Variants in ASIC2 observed in about 807,000 individuals in gnomAD.
The protein encoded by ASIC2 is acid-sensing ion channel 2.
Under a neutral mutation model 57.3 loss-of-function variants are expected in ASIC2, and 25 were observed. That is an observed-to-expected ratio of 0.44 (90% CI 0.32 to 0.61). The LOEUF (loss-of-function observed/expected upper bound fraction) is 0.61, where lower values mean the gene tolerates loss of function less well. Ranked by LOEUF, ASIC2 falls within the 20% of genes least tolerant of loss-of-function variation. The pLI, the probability that ASIC2 is intolerant of heterozygous loss-of-function variation, is 0.06. For missense variants in ASIC2, 641 were observed against 738.1 expected (o/e 0.87, Z 1.52); for synonymous variants, 319 against 307.5 (o/e 1.04, Z -0.39).
Position 33,679,059 on chromosome 17 carries a change from T to A in ASIC2, c.555+476919A>T, listed in dbSNP as rs1907918601. On this transcript the variant is annotated intron_variant, in intron 1 of 9. Coordinates refer to the ASIC2 transcript ENST00000359872. ...GTGTGTTCATGTTTCAACAAGAATG[T>A]AAGTTTGGGATCAGACATATGTTAC... 7.2e-5 allele frequency among the ~76,000 whole-genome samples: 11 copies of A among 152,350 alleles called. 1 individual carries two copies. The South Asian group carries it at 2.3e-3, about 32-fold the overall frequency.
chr17:33,578,733 C>A (rs1296535869), intron 1 of ASIC2, among the ~76,000 whole-genome samples: 4 of 152,166 alleles, frequency 2.6e-5, no homozygotes, highest in Non-Finnish European at 4.4e-5. Flanking sequence ...ACAGAGGGGG[C>A]ACTAATGGCT....
At chr17:33,659,386 G>T (rs183938927) in intron 1 of ASIC2, among the ~76,000 whole-genome samples, 1 of 152,288 alleles carries the variant, frequency 6.6e-6, no homozygotes, top group Non-Finnish European at 1.5e-5. Context: ...ATCAGAGAGT[G>T]TGCTTACAAA....
chr17:33,849,178 G>T (rs1913694979), intron 1 of ASIC2, among the ~76,000 whole-genome samples: 1 of 152,170 alleles, frequency 6.6e-6, no homozygotes, highest in Non-Finnish European at 1.5e-5. Flanking sequence ...GCTCACTCTA[G>T]GTGAGATCCT....
At chr17:33,530,678 C>G (rs752340342) in intron 1 of ASIC2, among the ~76,000 whole-genome samples, 1 of 152,158 alleles carries the variant, frequency 6.6e-6, no homozygotes, top group East Asian at 1.9e-4. Flanking sequence ...GTGGTTGGAA[C>G]CTAAAATACT....
Position 34,039,993 on chromosome 17 carries a change from C to T in ASIC2, c.555+115985G>A, listed in dbSNP as rs1416524518. The T allele has an allele frequency of 4.0e-6, 3 of 744,998 alleles. No homozygotes were observed. In the East Asian group the frequency reaches 9.7e-5, roughly 24 times the overall value. 46.1% of individuals were successfully genotyped at this position (744,998 alleles called of 1,614,324 possible). On this transcript the variant is annotated intron_variant, in intron 1 of 9. Coordinates refer to the ASIC2 transcript ENST00000359872. ...GGCCCGGGGCGGAGCCGGGGCCTCT[C>T]CTGAGCGCCGCAACCCCCCGCCCGG...
chr17:33,134,708 G>C (rs1489322470), intron 1 of ASIC2, among the ~76,000 whole-genome samples: 1 of 152,218 alleles, frequency 6.6e-6, no homozygotes, highest in Non-Finnish European at 1.5e-5. Context: ...CCTCAACCTG[G>C]GTTGTCCCCG....
intron 1 of ASIC2, among the ~76,000 whole-genome samples, chr17:33,737,489 T>C (rs1909953088): frequency 6.6e-6 from 1 of 152,370 alleles, no homozygotes; most frequent in East Asian, 1.9e-4. Flanking sequence ...TTAGAAATAT[T>C]TTTAATCTGG....
At chr17:33,386,960 C>CTG (rs972444705) in intron 1 of ASIC2, among the ~76,000 whole-genome samples, 38 of 150,460 alleles carry the variant, frequency 2.5e-4, no homozygotes, top group South Asian at 2.1e-4. Flanking sequence ...GTGTGTGTGT[C>CTG]TGTGTGTGTG....
At chr17:33,740,238 A>G (rs1036707762) in intron 1 of ASIC2, among the ~76,000 whole-genome samples, 24 of 152,372 alleles carry the variant, frequency 1.6e-4, no homozygotes, top group Admixed American at 1.5e-3. Context: ...GTTTGGGTAC[A>G]GCAAGGGCTA....
rs532243924 is a variant in ASIC2 at position 33,784,875 on chromosome 17, T to C, written c.555+371103A>G. 1.0e-3 allele frequency among the ~76,000 whole-genome samples: 158 copies of C among 152,276 alleles called. 3 individuals carry two copies. In the Middle Eastern group the frequency reaches 0.014, roughly 13 times the overall value. ...TGTGCAGGACCTTATGACATGCCTTTTGGGGAACAATTTTACCCGTACTTT... is the reference window on the plus strand; with the variant it reads ...TGTGCAGGACCTTATGACATGCCTTCTGGGGAACAATTTTACCCGTACTTT... On this transcript the variant is annotated intron_variant, in intron 1 of 9. Coordinates refer to the ASIC2 transcript ENST00000359872.
chr17:34,038,423 TTC>T, intron 1 of ASIC2: 1 of 1,612,196 alleles, frequency 6.2e-7, no homozygotes, highest in Non-Finnish European at 8.5e-7. Context: ...CTTGTGGTAA[TTC>T]TCCTTTTTCT....
At chr17:34,100,259 T>C (rs966801524) in intron 1 of ASIC2, among the ~76,000 whole-genome samples, 1 of 151,456 alleles carries the variant, frequency 6.6e-6, no homozygotes, top group African/African-American at 2.4e-5. Flanking sequence ...GCAAGAGAAG[T>C]GTTATAATAA....
intron 1 of ASIC2, among the ~76,000 whole-genome samples, chr17:33,265,321 G>A (rs999962567): frequency 2.3e-4 from 35 of 151,922 alleles, no homozygotes; most frequent in African/African-American, 7.5e-4. Context: ...GGAATACTAT[G>A]TAGCCATAAA....
intron 1 of ASIC2, among the ~76,000 whole-genome samples, chr17:33,625,973 G>A (rs1428828808): frequency 1.3e-5 from 2 of 152,220 alleles, no homozygotes; most frequent in Non-Finnish European, 2.9e-5. Flanking sequence ...TCCAGGGCAG[G>A]CATATACAGG....
intron 1 of ASIC2, among the ~76,000 whole-genome samples, chr17:33,384,112 G>T (rs555848010): frequency 6.6e-6 from 1 of 152,308 alleles, no homozygotes; most frequent in South Asian, 2.1e-4. Context: ...CACCTGTTAA[G>T]TAGGGCTTTG....
intron 1 of ASIC2, chr17:33,932,748 A>G (rs1196325961): frequency 7.6e-6 from 1 of 132,252 alleles, no homozygotes; most frequent in Admixed American, 8.0e-5. Context: ...AAAAATATAT[A>G]TATATATATA....
intron 1 of ASIC2, among the ~76,000 whole-genome samples, chr17:33,962,592 G>T (rs1904959685): frequency 1.3e-5 from 2 of 152,134 alleles, no homozygotes; most frequent in African/African-American, 2.4e-5. Context: ...GGAATGAAGT[G>T]CTCATGTTCG....
chr17:33,342,001 G>A (rs142969911), intron 1 of ASIC2, among the ~76,000 whole-genome samples: 1 of 152,118 alleles, frequency 6.6e-6, no homozygotes, highest in Non-Finnish European at 1.5e-5. Flanking sequence ...GAGGGAAGTC[G>A]CATCAAGAAT....
chr17:33,339,953 A>G (rs547970529), intron 1 of ASIC2, among the ~76,000 whole-genome samples: 12 of 152,286 alleles, frequency 7.9e-5, no homozygotes, highest in Admixed American at 7.9e-4. Context: ...ACACCCCTGC[A>G]TTTCATAGCT....
Sources: gnomAD v4.1 joint callset for allele counts (sites outside exome capture counted in the v4.1 genomes callset) on GRCh38, gnomAD v4.1.1 for gene constraint, MANE v1.5 for transcripts, NCBI Gene and HGNC (gene_info 2026-07-23, HGNC 2026-07-21) for gene names.